Variants in THAP3 observed in about 807,000 individuals in gnomAD.
THAP3 encodes the protein THAP domain containing 3, also known as THAP domain-containing protein 3.
Under a neutral mutation model 17.7 loss-of-function variants are expected in THAP3, and 12 were observed. That is an observed-to-expected ratio of 0.68 (90% CI 0.43 to 1.10). The LOEUF is 1.10. Ranked by LOEUF, THAP3 falls within the 50% of genes least tolerant of loss-of-function variation. The pLI, the probability that THAP3 is intolerant of heterozygous loss-of-function variation, is 0.00. For missense variants in THAP3, 289 were observed against 318.0 expected (o/e 0.91, Z 0.69); for synonymous variants, 133 against 126.9 (o/e 1.05, Z -0.32).
intron 4 of THAP3, among the ~76,000 whole-genome samples, chr1:6,630,791 C>T (rs899526718): frequency 2.3e-4 from 35 of 152,142 alleles, no homozygotes; most frequent in Non-Finnish European, 3.7e-4. Flanking sequence ...AGGCTGGTCT[C>T]GAACTCCTGA....
chr1:6,632,659 C>T, intron 5 of THAP3, 137 bp from the exon 6 acceptor site: 1 of 1,435,002 alleles, frequency 7.0e-7, no homozygotes. Flanking sequence ...GGTGTGGGCA[C>T]ATCTGGATTT....
Position 6,628,708 on chromosome 1 carries a change from C to T in THAP3, c.267+17C>T, listed in dbSNP as rs1255843455. ...CCCACACAGGTAGGAGGGCACTGCA[C>T]CTTCCGTCTGGTCACATCCAGCCTG... On this transcript the variant is annotated intron_variant, in intron 3 of 5. Transcript: ENST00000054650. 4 of 1,605,424 alleles carry T rather than the reference C, an allele frequency of 2.5e-6. No homozygotes were observed. Among genetic ancestry groups the T allele is most frequent in the African/African-American group, 1.3e-5 (1 of 74,780 alleles).
chr1:6,630,835 G>T (rs977971446), intron 4 of THAP3, among the ~76,000 whole-genome samples: 1 of 151,922 alleles, frequency 6.6e-6, no homozygotes, highest in African/African-American at 2.4e-5. Context: ...GCCTCACAAA[G>T]TGCTGGGATT....
At position 6,628,665 on chromosome 1, in the gene THAP3, G is replaced by A; in HGVS notation, c.241G>A (p.Val81Met). ...KNLKHNAVPTVFAFQDPTQQV... is the reference protein window; with the variant it reads ...KNLKHNAVPTMFAFQDPTQQV... The stretch of plus-strand genomic sequence containing the variant: ...CCTAAAGCACAATGCCGTGCCCACG[G>A]TGTTCGCCTTTCAGGACCCCACACA... Residue 81 changes from valine (V) to methionine (M), a missense_variant, in exon 3 of 6, where the codon GTG becomes ATG. Val to Met is a conservative substitution (Grantham distance 21, BLOSUM62 1). Coordinates refer to ENST00000054650, the MANE Select transcript of THAP3 (RefSeq NM_001195753.2). 6.2e-7 allele frequency: 1 copy of A among 1,613,446 alleles called. No homozygotes were observed.
chr1:6,629,576 C>CTGGCCCCTG (rs1013435312), intron 3 of THAP3: 1 of 152,966 alleles, frequency 6.5e-6, no homozygotes, highest in African/African-American at 2.4e-5. Context: ...CTCAGTCTTC[C>CTGGCCCCTG]TGGCCCCTGT....
downstream of THAP3, chr1:6,634,264 A>G: frequency 1.2e-6 from 1 of 861,108 alleles, no homozygotes; most frequent in Non-Finnish European, 1.7e-6. Flanking sequence ...CCTGCGGCAG[A>G]GGCGCACGGG....
rs1372906548 is a variant in THAP3 at position 6,632,449 on chromosome 1, T to C, written c.392T>C (p.Leu131Pro). ...DSPGRNMDTA[L>P]EELQLPPNAE... Reference sequence around the variant, plus strand: ...CCTGGGAGAAACATGGACACTGCACTTGAAGAGCTTCAGTTGCCCCCAAAT... The same window carrying C: ...CCTGGGAGAAACATGGACACTGCACCTGAAGAGCTTCAGTTGCCCCCAAAT... The change falls in exon 5 of 6, where the codon CTT (leucine) becomes CCT (proline). Residue 131 changes from leucine (L) to proline (P), a missense_variant. Transcript: ENST00000054650. 2 of 1,614,156 alleles carry C rather than the reference T, an allele frequency of 1.2e-6. No homozygotes were observed. The highest frequency in any genetic ancestry group is 2.2e-5 in the East Asian group (1 of 44,890).
downstream of THAP3, chr1:6,633,925 A>AACTG: frequency 3.3e-6 from 4 of 1,196,070 alleles, no homozygotes; most frequent in Non-Finnish European, 4.8e-6. Context: ...TGAAAAAAAA[A>AACTG]ACTGACTTCC....
intron 2 of THAP3, among the ~76,000 whole-genome samples, chr1:6,625,939 A>G (rs1373508051): frequency 2.0e-5 from 3 of 152,184 alleles, no homozygotes; most frequent in Non-Finnish European, 4.4e-5. Flanking sequence ...AAGTATACGT[A>G]ATGTACATGC....
At chr1:6,634,550 G>A, downstream of THAP3, 1 of 1,364,786 alleles carries the variant, frequency 7.3e-7, no homozygotes, top group Non-Finnish European at 9.8e-7. Context: ...TGCGGCGCTT[G>A]CTCCGAGGGG....
At position 6,633,144 on chromosome 1, in the gene THAP3, T is replaced by C; in HGVS notation, c.*67T>C. 1 of 1,524,252 alleles carries C rather than the reference T, an allele frequency of 6.6e-7. No individual in the cohort carries two copies. The highest frequency in any genetic ancestry group is 2.4e-4 in the Middle Eastern group (1 of 4,194). The allele number at this position is 1,524,252 out of a possible 1,614,324, so 94.4% of individuals were successfully genotyped here. A position where few individuals can be genotyped will look rare whatever the true frequency, so the allele number is the denominator to read the frequency against. ...GCCGGCAGAGCTTTGGAGCTCTGGC[T>C]GTGGACATTTTTGTCTGCTGTGGAC... On this transcript the variant is annotated 3_prime_UTR_variant, in exon 6 of 6. Coordinates refer to ENST00000054650, the MANE Select transcript of THAP3 (RefSeq NM_001195753.2).
At position 6,633,496 on chromosome 1, in the gene THAP3, G is replaced by C. The variant is rs1384269538; in HGVS notation, c.*419G>C. 1 of 1,118,264 alleles carries C rather than the reference G, an allele frequency of 8.9e-7. No homozygotes were observed. Among genetic ancestry groups the C allele is most frequent in the Admixed American group, 4.6e-5 (1 of 21,672 alleles). 69.3% of individuals were successfully genotyped at this position (1,118,264 alleles called of 1,614,324 possible). A position where few individuals can be genotyped will look rare whatever the true frequency, so the allele number is the denominator to read the frequency against. Reference sequence around the variant, plus strand: ...TCCATCAGCCTGGACAGCCGCTCGGGGTTCTAAGGAGTGACTCCTGTCCCG... The same window carrying C: ...TCCATCAGCCTGGACAGCCGCTCGGCGTTCTAAGGAGTGACTCCTGTCCCG... On this transcript the variant is annotated 3_prime_UTR_variant, in exon 6 of 6. Coordinates refer to ENST00000054650, the MANE Select transcript of THAP3 (RefSeq NM_001195753.2).
Position 6,625,137 on chromosome 1 carries a change from C to CCCCTCCCCGCAGGT in THAP3, c.-69-4_-60dup, listed in dbSNP as rs1410872577. Reference sequence around the variant, plus strand: ...CCGTCACCACCTCCCAGCGGCCCCGCCCCTCCCCGCAGGTCCCTCCCCTCT... The same window carrying CCCCTCCCCGCAGGT: ...CCGTCACCACCTCCCAGCGGCCCCGCCCCTCCCCGCAGGTCCCTCCCCGCAGGTCCCTCCCCTCT... On this transcript the variant is annotated splice_polypyrimidine_tract_variant and intron_variant, in intron 1 of 5. Transcript: ENST00000054650. 42 of 1,421,858 alleles carry CCCCTCCCCGCAGGT rather than the reference C, an allele frequency of 3.0e-5. No individual in the cohort carries two copies. The highest frequency in any genetic ancestry group is 2.5e-4 in the South Asian group (20 of 79,628). The allele number at this position is 1,421,858 out of a possible 1,614,324, so 88.1% of individuals were successfully genotyped here.
rs12075860 is a variant in THAP3 at position 6,633,353 on chromosome 1, C to T, written c.*276C>T. On this transcript the variant is annotated 3_prime_UTR_variant, in exon 6 of 6. Transcript: ENST00000054650. ...AGTCCAGGCTGAGGCTGATTCTGGACGCTGTCCTTTCAGCACACGCAGAGC... is the reference window on the plus strand; with the variant it reads ...AGTCCAGGCTGAGGCTGATTCTGGATGCTGTCCTTTCAGCACACGCAGAGC... 4.3e-3 allele frequency: 5,722 copies of T among 1,333,188 alleles called. 132 individuals are homozygous for T. In the African/African-American group the frequency reaches 0.063, roughly 15 times the overall value. The allele number at this position is 1,333,188 out of a possible 1,614,324, so 82.6% of individuals were successfully genotyped here.
chr1:6,626,476 C>G (rs180792856), intron 2 of THAP3, among the ~76,000 whole-genome samples: 2 of 152,174 alleles, frequency 1.3e-5, no homozygotes, highest in South Asian at 4.1e-4. Context: ...AATGCAAGTG[C>G]CAGAATTTAC....
downstream of THAP3, chr1:6,634,841 A>G: frequency 8.1e-7 from 1 of 1,238,390 alleles, no homozygotes; most frequent in Non-Finnish European, 1.0e-6. Context: ...GGTGTGTCTG[A>G]TGTCTTGCCA....
At position 6,625,140 on chromosome 1, in the gene THAP3, CT is replaced by C; in HGVS notation, c.-69-9del. 3.5e-6 allele frequency: 5 copies of C among 1,445,950 alleles called. No individual in the cohort carries two copies. The highest frequency in any genetic ancestry group is 1.5e-5 in the African/African-American group (1 of 68,218). The allele number at this position is 1,445,950 out of a possible 1,614,324, so 89.6% of individuals were successfully genotyped here. ...TCACCACCTCCCAGCGGCCCCGCCC[CT>C]CCCCGCAGGTCCCTCCCCTCTCCGC... On this transcript the variant is annotated splice_polypyrimidine_tract_variant and intron_variant, in intron 1 of 5. Coordinates refer to ENST00000054650, the MANE Select transcript of THAP3 (RefSeq NM_001195753.2).
At chr1:6,634,601 GAGAC>G (rs1448433773), downstream of THAP3, 1 of 1,366,360 alleles carries the variant, frequency 7.3e-7, no homozygotes, top group East Asian at 4.5e-5. Flanking sequence ...CAGGCCCCGA[GAGAC>G]AGGCCTCACG....
Position 6,633,551 on chromosome 1 carries a change from T to C in THAP3, c.*474T>C, listed in dbSNP as rs1641688951. On this transcript the variant is annotated 3_prime_UTR_variant, in exon 6 of 6. Transcript: ENST00000054650. Reference sequence around the variant, plus strand: ...GGTGTGAGTGGGCAGTGTAATAAAGTGTCTTTCTATACGGTGTCGCTCCCA... The same window carrying C: ...GGTGTGAGTGGGCAGTGTAATAAAGCGTCTTTCTATACGGTGTCGCTCCCA... The C allele has an allele frequency of 9.2e-7, 1 of 1,084,422 alleles. No homozygotes were observed. Among genetic ancestry groups the C allele is most frequent in the South Asian group, 2.8e-5 (1 of 35,834 alleles). The allele number at this position is 1,084,422 out of a possible 1,614,324, so 67.2% of individuals were successfully genotyped here. A position where few individuals can be genotyped will look rare whatever the true frequency, so the allele number is the denominator to read the frequency against.
Sources: allele counts gnomAD v4.1 joint callset (sites outside exome capture counted in the v4.1 genomes callset), GRCh38; gene constraint gnomAD v4.1.1; transcripts MANE v1.5; gene names NCBI Gene and HGNC (gene_info 2026-07-23, HGNC 2026-07-21).